ERCC3: variants seen among roughly 807,000 people sequenced by gnomAD.
ERCC3 encodes the protein ERCC excision repair 3, TFIIH core complex helicase subunit.
ERCC3 carries 66 observed loss-of-function variants against 94.2 expected under a neutral mutation model. That is an observed-to-expected ratio of 0.70 (90% CI 0.57 to 0.86). ERCC3 has a LOEUF of 0.86. ERCC3 is among the 40% of genes least tolerant of loss of function. ERCC3 has a pLI of 0.00. For synonymous variants in ERCC3, 349 were observed against 369.1 expected (o/e 0.95, Z 0.63); for missense variants, 829 against 987.1 (o/e 0.84, Z 2.15).
intron 8 of ERCC3, among the ~76,000 whole-genome samples, chr2:127,283,875 C>CT (rs4150439): frequency 0.014 from 2,196 of 152,246 alleles, 24 homozygotes; most frequent in Non-Finnish European, 0.021. Context: ...GGTGAAATGT[C>CT]TATCAATTTC....
At chr2:127,287,259 A>G (rs1445218530) in intron 7 of ERCC3, among the ~76,000 whole-genome samples, 1 of 152,156 alleles carries the variant, frequency 6.6e-6, no homozygotes, top group East Asian at 1.9e-4. Flanking sequence ...CTTTACACAC[A>G]TCTCATTTAA....
At chr2:127,285,933 T>G (rs983116741) in intron 8 of ERCC3, among the ~76,000 whole-genome samples, 4 of 151,934 alleles carry the variant, frequency 2.6e-5, no homozygotes, top group Non-Finnish European at 5.9e-5. Flanking sequence ...GGATTATATA[T>G]TTACAAGGGG....
Position 127,258,292 on chromosome 2 carries a change from A to G in ERCC3, c.2218-565T>C, listed in dbSNP as rs1032108541. ...CCTTAAAATCTCCTGAGACACCACC[A>G]TAAGGCTTTGAATCAAGTGGAAGGA... On this transcript the variant is annotated intron_variant, in intron 14 of 14. Coordinates refer to ENST00000285398, the MANE Select transcript of ERCC3 (RefSeq NM_000122.2). The surrounding 1 kb of genome is among the most constrained non-coding windows in gnomAD (Gnocchi z 4.1). Among the ~76,000 whole-genome samples, 10 of 152,144 alleles carry G rather than the reference A, an allele frequency of 6.6e-5. No homozygotes were observed. Among genetic ancestry groups the G allele is most frequent in the African/African-American group, 2.4e-4 (10 of 41,416 alleles).
intron 3 of ERCC3, 72 bp downstream of exon 3, chr2:127,292,538 C>A: frequency 9.9e-7 from 1 of 1,005,910 alleles, no homozygotes; most frequent in Non-Finnish European, 1.6e-6. Flanking sequence ...CACAGGCTGA[C>A]AACATGGAGC....
intron 12 of ERCC3, chr2:127,261,820 A>T: frequency 4.8e-6 from 1 of 209,224 alleles, no homozygotes; most frequent in Non-Finnish European, 9.7e-6. Flanking sequence ...TCAAAAAAGC[A>T]GATAACTGCC....
chr2:127,292,942 C>T, intron 2 of ERCC3, 96 bp from the exon 3 acceptor site: 4 of 786,680 alleles, frequency 5.1e-6, no homozygotes, highest in South Asian at 4.2e-5. Context: ...GAATAAGCTG[C>T]CCAACACCAC....
chr2:127,286,318 A>G (rs1331498821), intron 8 of ERCC3, among the ~76,000 whole-genome samples: 1 of 152,150 alleles, frequency 6.6e-6, no homozygotes, highest in African/African-American at 2.4e-5. Context: ...TGGGAGGATG[A>G]GGTGGGTGGA....
At chr2:127,289,195 G>T in intron 6 of ERCC3, 142 bp downstream of exon 6, 1 of 768,616 alleles carries the variant, frequency 1.3e-6, no homozygotes, top group Non-Finnish European at 2.3e-6. Flanking sequence ...ATGGCTCACA[G>T]ATAATAAAAA....
At position 127,259,240 on chromosome 2, in the gene ERCC3, CA is replaced by C; in HGVS notation, c.2217+55del. The C allele has an allele frequency of 1.2e-6, 2 of 1,606,000 alleles. No individual in the cohort carries two copies. The highest frequency in any genetic ancestry group is 4.5e-5 in the East Asian group (2 of 44,836). On this transcript the variant is annotated intron_variant, in intron 14 of 14. Transcript: ENST00000285398. The surrounding 1 kb of genome is among the most constrained non-coding windows in gnomAD (Gnocchi z 4.9). ...GACTACATGTCTGTGTCTGTGTCTA[CA>C]AACGCTGCCCTGTGAGAGCACTGAC...
chr2:127,261,006 C>A, intron 13 of ERCC3: 1 of 566,574 alleles, frequency 1.8e-6, no homozygotes, highest in Non-Finnish European at 3.2e-6. Context: ...TCACACAGTG[C>A]TGGTCATAGT....
chr2:127,282,483 C>T (rs768941868), intron 8 of ERCC3, among the ~76,000 whole-genome samples: 4 of 152,136 alleles, frequency 2.6e-5, no homozygotes, highest in Non-Finnish European at 5.9e-5. Context: ...TACACAAGTA[C>T]CATAATATGA....
At chr2:127,266,826 C>T (rs1386208451) in intron 12 of ERCC3, among the ~76,000 whole-genome samples, 1 of 149,522 alleles carries the variant, frequency 6.7e-6, no homozygotes, top group African/African-American at 2.5e-5. Context: ...AGTCAGTTCT[C>T]CTGCCTCAGG....
In ERCC3 at chr2:127,279,823, A is replaced by G. The variant is rs1388252968; in HGVS notation, c.1528-448T>C. Among the ~76,000 whole-genome samples, 1 of 152,214 alleles carries G rather than the reference A, an allele frequency of 6.6e-6. No individual in the cohort carries two copies. Among genetic ancestry groups the G allele is most frequent in the Non-Finnish European group, 1.5e-5 (1 of 68,034 alleles). ...AACTGAAAATAAATGCATGCACAAA[A>G]CTAAACCCAACCTAATACCTCCTAT... On this transcript the variant is annotated intron_variant, in intron 9 of 14. Transcript: ENST00000285398. The surrounding 1 kb of genome is among the most constrained non-coding windows in gnomAD (Gnocchi z 4.7).
Position 127,279,185 on chromosome 2 carries a change from A to G in ERCC3, c.1718T>C (p.Ile573Thr), listed in dbSNP as rs1684831007. ...DNVFALKEYA[I>T]RLNKPYIYGP... ...TTTCAATTCTTACTTGTTCAGTCGA[A>G]TGGCATATTCCTTTAGGGCAAACAC... Residue 573 changes from isoleucine (I) to threonine (T), a missense_variant, in exon 10 of 15, where the codon ATT (isoleucine) becomes ACT (threonine). Coordinates refer to ENST00000285398, the MANE Select transcript of ERCC3 (RefSeq NM_000122.2). The surrounding 1 kb of genome is among the most constrained non-coding windows in gnomAD (Gnocchi z 4.7). 6.2e-7 allele frequency: 1 copy of G among 1,611,192 alleles called. No homozygotes were observed. The highest frequency in any genetic ancestry group is 8.5e-7 in the Non-Finnish European group (1 of 1,177,326).
chr2:127,259,519 G>A lies in ERCC3; in HGVS notation c.2065-71C>T. 5 of 1,600,594 alleles carry A rather than the reference G, an allele frequency of 3.1e-6. No homozygotes were observed. The highest frequency in any genetic ancestry group is 1.1e-5 in the South Asian group (1 of 90,738). On this transcript the variant is annotated intron_variant, in intron 13 of 14. Coordinates refer to ENST00000285398, the MANE Select transcript of ERCC3 (RefSeq NM_000122.2). This position sits in a 1 kb window ranked among gnomAD's most constrained non-coding sequence, Gnocchi z 4.9. ...CCCAGCCCTCCTCTGCCTTCTCCTG[G>A]GTCCACCTGCTTTGGTCACTTCCCT... is the stretch of plus-strand genomic sequence containing the variant.
chr2:127,288,066 T>C (rs535991476), intron 7 of ERCC3, among the ~76,000 whole-genome samples: 22 of 152,308 alleles, frequency 1.4e-4, no homozygotes, highest in African/African-American at 5.3e-4. Flanking sequence ...CTTGCCTCTG[T>C]AAGTCCTCAG....
At chr2:127,290,467 A>G in intron 3 of ERCC3, 194 bp from the exon 4 acceptor site, 1 of 651,940 alleles carries the variant, frequency 1.5e-6, no homozygotes, top group Non-Finnish European at 2.8e-6. Context: ...TGAGAACAAA[A>G]TCTTCCTCTT....
chr2:127,290,554 T>G, intron 3 of ERCC3: 1 of 482,620 alleles, frequency 2.1e-6, no homozygotes. Context: ...TTCCTCTCTA[T>G]TCCCACAGCC....
chr2:127,288,053 G>A (rs1685135392), intron 7 of ERCC3, among the ~76,000 whole-genome samples: 1 of 152,152 alleles, frequency 6.6e-6, no homozygotes, highest in East Asian at 1.9e-4. Context: ...CTTCCCTGAA[G>A]ACCTTGCCTC....
Sources: allele counts gnomAD v4.1 joint callset (sites outside exome capture counted in the v4.1 genomes callset), GRCh38; gene constraint gnomAD v4.1.1; non-coding constraint Gnocchi (gnomAD v3.1); transcripts MANE v1.5; gene names NCBI Gene and HGNC (gene_info 2026-07-23, HGNC 2026-07-21).